Variants in GABRG1 observed in about 807,000 individuals in gnomAD.
GABRG1 encodes gamma-aminobutyric acid receptor subunit gamma-1.
GABRG1 carries 49 observed loss-of-function variants against 49.8 expected under a neutral mutation model. The observed-to-expected ratio is 0.98, with a 90% CI of 0.78 to 1.25. GABRG1 has a LOEUF of 1.25. Ranked by LOEUF, GABRG1 falls within the 50% of genes most tolerant of loss-of-function variation. The probability of loss-of-function intolerance (pLI) is 0.00; values close to 1 mark genes in which losing one functional copy is unlikely to be tolerated. For synonymous variants in GABRG1, 232 were observed against 185.1 expected (o/e 1.25, Z -2.06); for missense variants, 552 against 552.3 (o/e 1.00, Z 0.01).
At chr4:46,084,816 T>G (rs746950308) in intron 2 of GABRG1, among the ~76,000 whole-genome samples, 1 of 151,682 alleles carries the variant, frequency 6.6e-6, no homozygotes, top group African/African-American at 2.4e-5. Flanking sequence ...GTAGGTCATA[T>G]GATTTATAGA....
intron 5 of GABRG1, among the ~76,000 whole-genome samples, chr4:46,063,184 G>A (rs1324300849): frequency 1.3e-5 from 2 of 151,750 alleles, no homozygotes; most frequent in East Asian, 3.9e-4. Context: ...AGTTCATATG[G>A]AACCAAAAAA....
At chr4:46,065,969 GGC>G (rs1718905454) in intron 3 of GABRG1, among the ~76,000 whole-genome samples, 1 of 152,036 alleles carries the variant, frequency 6.6e-6, no homozygotes, top group African/African-American at 2.4e-5. Context: ...TGATCTGCCC[GGC>G]TCATCCTCCC....
At chr4:46,114,651 T>G (rs1348954625) in intron 1 of GABRG1, among the ~76,000 whole-genome samples, 1 of 150,806 alleles carries the variant, frequency 6.6e-6, no homozygotes, top group African/African-American at 2.4e-5. Flanking sequence ...AATGAATAAG[T>G]AAGTGAACAG....
intron 7 of GABRG1, among the ~76,000 whole-genome samples, chr4:46,052,202 C>T (rs1205000861): frequency 6.7e-6 from 1 of 149,862 alleles, no homozygotes; most frequent in Non-Finnish European, 1.5e-5. Context: ...GTCTCTCATA[C>T]TATAATGCAT....
intron 1 of GABRG1, among the ~76,000 whole-genome samples, chr4:46,118,856 C>T (rs1721012745): frequency 6.6e-6 from 1 of 151,256 alleles, no homozygotes; most frequent in African/African-American, 2.4e-5. Flanking sequence ...TGAGAACGCA[C>T]TAACAAGTTT....
At chr4:46,062,543 T>G (rs1310697865) in intron 5 of GABRG1, among the ~76,000 whole-genome samples, 1 of 152,146 alleles carries the variant, frequency 6.6e-6, no homozygotes, top group Non-Finnish European at 1.5e-5. Flanking sequence ...ACCTGTTGTT[T>G]CCTGACTTTT....
At chr4:46,107,709 C>T (rs560337689) in intron 1 of GABRG1, among the ~76,000 whole-genome samples, 1 of 149,680 alleles carries the variant, frequency 6.7e-6, no homozygotes, top group Admixed American at 6.6e-5. Flanking sequence ...AATTTATTTT[C>T]TTCAAATATT....
intron 8 of GABRG1, among the ~76,000 whole-genome samples, chr4:46,044,111 T>C (rs1717894599): frequency 6.6e-6 from 1 of 152,114 alleles, no homozygotes; most frequent in Admixed American, 6.6e-5. Flanking sequence ...TGTTTACCAC[T>C]CCTTCACAAA....
At chr4:46,089,276 C>A (rs1458781026) in intron 2 of GABRG1, among the ~76,000 whole-genome samples, 1 of 151,930 alleles carries the variant, frequency 6.6e-6, no homozygotes, top group Non-Finnish European at 1.5e-5. Context: ...TTATTTATAC[C>A]TCCTAACCAT....
chr4:46,113,849 G>T (rs1468849970), intron 1 of GABRG1, among the ~76,000 whole-genome samples: 1 of 150,890 alleles, frequency 6.6e-6, no homozygotes, highest in Non-Finnish European at 1.5e-5. Flanking sequence ...TCTGTGATCT[G>T]TTGTTCATGA....
At chr4:46,084,514 T>A (rs957020495) in intron 2 of GABRG1, among the ~76,000 whole-genome samples, 1 of 151,652 alleles carries the variant, frequency 6.6e-6, no homozygotes, top group Non-Finnish European at 1.5e-5. Context: ...CATTTTTCAA[T>A]CTGACAGAGC....
intron 8 of GABRG1, among the ~76,000 whole-genome samples, chr4:46,049,344 C>T (rs1397734194): frequency 6.6e-6 from 1 of 151,828 alleles, no homozygotes; most frequent in Non-Finnish European, 1.5e-5. Context: ...GTACACTGAA[C>T]CATGCAAGGA....
intron 4 of GABRG1, 96 bp downstream of exon 4, chr4:46,065,262 ATTTTTG>A (rs1718863423): frequency 1.4e-6 from 1 of 701,130 alleles, no homozygotes; most frequent in Non-Finnish European, 2.3e-6. Flanking sequence ...GGAGCTCCAC[ATTTTTG>A]GTTTTGCAAC....
chr4:46,053,743 T>G (rs983132874), intron 7 of GABRG1, among the ~76,000 whole-genome samples: 1 of 152,056 alleles, frequency 6.6e-6, no homozygotes, highest in Non-Finnish European at 1.5e-5. Flanking sequence ...TTTCTGTTAC[T>G]TTCTTTTTTA....
At chr4:46,081,891 A>G (rs1343817269) in intron 3 of GABRG1, among the ~76,000 whole-genome samples, 2 of 151,882 alleles carry the variant, frequency 1.3e-5, no homozygotes, top group Non-Finnish European at 2.9e-5. Context: ...CCATGTAAGG[A>G]CACAGTGAGA....
intron 3 of GABRG1, among the ~76,000 whole-genome samples, chr4:46,083,343 C>T (rs1719641423): frequency 6.6e-6 from 1 of 151,678 alleles, no homozygotes; most frequent in South Asian, 2.1e-4. Context: ...CCTCCATCTT[C>T]TATACTGCTA....
intron 2 of GABRG1, among the ~76,000 whole-genome samples, chr4:46,094,483 G>A (rs181053744): frequency 6.6e-5 from 10 of 152,004 alleles, no homozygotes; most frequent in African/African-American, 2.4e-4. Context: ...TAATATGAAA[G>A]TATTTAAACA....
intron 1 of GABRG1, among the ~76,000 whole-genome samples, chr4:46,104,485 A>C (rs1014360654): frequency 6.6e-6 from 1 of 151,566 alleles, no homozygotes; most frequent in Non-Finnish European, 1.5e-5. Context: ...ATACCTATGT[A>C]TCCTTGAATG....
At chr4:46,086,556 A>C (rs1266001050) in intron 2 of GABRG1, among the ~76,000 whole-genome samples, 2 of 151,538 alleles carry the variant, frequency 1.3e-5, no homozygotes, top group Non-Finnish European at 3.0e-5. Context: ...AATCCTGGAG[A>C]GTTTTATAGA....
Sources: allele counts gnomAD v4.1 joint callset (sites outside exome capture counted in the v4.1 genomes callset), GRCh38; gene constraint gnomAD v4.1.1; transcripts MANE v1.5; gene names NCBI Gene and HGNC (gene_info 2026-07-23, HGNC 2026-07-21).